Variants in TNC observed in about 807,000 individuals in gnomAD.
TNC encodes tenascin.
A neutral mutation model predicts 202.4 loss-of-function variants in TNC; 109 were observed. That is an observed-to-expected ratio of 0.54 (90% CI 0.46 to 0.63). TNC has a LOEUF of 0.63. TNC is among the 30% of genes least tolerant of loss of function. The probability of loss-of-function intolerance (pLI) is 0.00; values close to 1 mark genes in which losing one functional copy is unlikely to be tolerated. For synonymous variants in TNC, 1,007 were observed against 1,089.7 expected (o/e 0.92, Z 1.50); for missense variants, 2,756 against 2,833.3 (o/e 0.97, Z 0.62).
chr9:115,106,294 A>G (rs1317400202), intron 1 of TNC, among the ~76,000 whole-genome samples: 1 of 152,188 alleles, frequency 6.6e-6, no homozygotes, highest in African/African-American at 2.4e-5. Flanking sequence ...CTAGTCAGCA[A>G]TTATTTGAAT....
intron 27 of TNC, among the ~76,000 whole-genome samples, chr9:115,021,616 A>C (rs997471001): frequency 1.3e-5 from 2 of 152,268 alleles, no homozygotes; most frequent in African/African-American, 4.8e-5. Context: ...CATTATTAGA[A>C]GTTCTAGAAT....
chr9:115,033,168 C>A (rs1261084930), intron 22 of TNC, among the ~76,000 whole-genome samples: 1 of 152,182 alleles, frequency 6.6e-6, no homozygotes, highest in Non-Finnish European at 1.5e-5. Flanking sequence ...GATGATCTTG[C>A]ATGCGGGTTT....
chr9:115,081,797 A>T lies in TNC; in HGVS notation c.2379T>A (p.Pro793=). ...LHIVKNNTRG[P]GLKRVTTTRL... is the part of the protein sequence containing the mutation. The stretch of plus-strand genomic sequence containing the variant: ...GTGTGGTGGTCACCCTCTTCAGGCC[A>T]GGGCCCCGGGTATTGTTTTTCACTA... The change falls in exon 6 of 28, where the codon CCT becomes CCA. Residue 793 remains proline (P), a synonymous_variant. Transcript: ENST00000350763. 6.3e-7 allele frequency: 1 copy of T among 1,588,724 alleles called. No individual in the cohort carries two copies. The highest frequency in any genetic ancestry group is 1.1e-5 in the South Asian group (1 of 90,576).
Position 115,063,813 on chromosome 9 carries a change from G to C in TNC, c.3743C>G (p.Ser1248Cys). ...VTQDFSTTPL[S>C]VEVLTEEVPD... ...TAGAATACCTGTCAAGACTTCAACA[G>C]AGAGAGGGGTTGTGCTGAAGTCCTG... Residue 1248 changes from serine (S) to cysteine (C), a missense_variant, in exon 12 of 28, where the codon TCT becomes TGT. Physicochemically the swap from Ser to Cys is moderately radical, Grantham distance 112. Transcript: ENST00000350763. 1 of 1,612,822 alleles carries C rather than the reference G, an allele frequency of 6.2e-7. No homozygotes were observed. Among genetic ancestry groups the C allele is most frequent in the Non-Finnish European group, 8.5e-7 (1 of 1,178,920 alleles).
At chr9:115,092,566 G>A (rs974095655) in intron 1 of TNC, among the ~76,000 whole-genome samples, 2 of 151,956 alleles carry the variant, frequency 1.3e-5, no homozygotes, top group Non-Finnish European at 2.9e-5. Flanking sequence ...TAATTGAAGA[G>A]CTATTTTATT....
chr9:115,073,131 A>G (rs1252647430), intron 10 of TNC, among the ~76,000 whole-genome samples: 1 of 152,254 alleles, frequency 6.6e-6, no homozygotes, highest in African/African-American at 2.4e-5. Flanking sequence ...ACCTTGGCAG[A>G]AAGCAAAAGA....
At chr9:115,112,175 G>A (rs150979738) in intron 1 of TNC, among the ~76,000 whole-genome samples, 119 of 152,272 alleles carry the variant, frequency 7.8e-4, no homozygotes, top group African/African-American at 2.7e-3. Context: ...AAACTTTTAA[G>A]ATTGTCCCTG....
Position 115,086,541 on chromosome 9 carries a change from C to A in TNC, c.1190G>T (p.Gly397Val). The change falls in exon 3 of 28, where the codon GGT (glycine) becomes GTT (valine). Residue 397 changes from glycine to valine, a missense_variant. This residue lies in a region of TNC where 2,559 missense variants were observed against 2,546.0 expected (regional missense o/e 1.01). Transcript: ENST00000350763. ...CVDGRCECDDGFTGADCGELK... is the reference protein window; with the variant it reads ...CVDGRCECDDVFTGADCGELK... The stretch of plus-strand genomic sequence containing the variant: ...CTCCCCACAGTCAGCTCCAGTGAAA[C>A]CATCATCACACTCACACCGCCCGTC... 6.2e-7 allele frequency: 1 copy of A among 1,613,928 alleles called. No homozygotes were observed. Among genetic ancestry groups the A allele is most frequent in the Non-Finnish European group, 8.5e-7 (1 of 1,180,006 alleles).
chr9:115,037,817 G>T (rs1588025429), intron 20 of TNC, among the ~76,000 whole-genome samples: 1 of 152,222 alleles, frequency 6.6e-6, no homozygotes, highest in Non-Finnish European at 1.5e-5. Flanking sequence ...GTAAGCCACT[G>T]TACCTGGCTT....
intron 13 of TNC, among the ~76,000 whole-genome samples, chr9:115,061,546 T>A (rs905925260): frequency 2.0e-5 from 3 of 152,232 alleles, no homozygotes; most frequent in Non-Finnish European, 2.9e-5. Context: ...CTGAAGATAT[T>A]CCAGGCAACA....
Position 115,081,890 on chromosome 9 carries a change from C to T in TNC, c.2286G>A (p.Arg762=), listed in dbSNP as rs1834333045. 1 of 1,597,424 alleles carries T rather than the reference C, an allele frequency of 6.3e-7. No homozygotes were observed. Among genetic ancestry groups the T allele is most frequent in the African/African-American group, 1.4e-5 (1 of 73,504 alleles). The change falls in exon 6 of 28, where the codon AGG becomes AGA. Residue 762 remains arginine (R), a synonymous_variant. Transcript: ENST00000350763. ...EDEGEITKSL[R]RPETSYRQTG... ...TTTGCCGGTAAGAGGTCTCTGGCCT[C>T]CTCAGGCTTTTGGTGATCTCTCCCT...
chr9:115,064,160 A>C, intron 11 of TNC, 92 bp from the exon 12 acceptor site: 1 of 1,326,540 alleles, frequency 7.5e-7, no homozygotes, highest in South Asian at 1.6e-5. Context: ...TAATAATATT[A>C]CTGAAAAAAT....
chr9:115,110,925 G>C (rs1588243558), intron 1 of TNC, among the ~76,000 whole-genome samples: 1 of 150,004 alleles, frequency 6.7e-6, no homozygotes, highest in South Asian at 2.1e-4. Context: ...TGTTGCCCAG[G>C]CTGGAGTGCA....
At chr9:115,041,590 G>A (rs189633053) in intron 18 of TNC, among the ~76,000 whole-genome samples, 2 of 152,264 alleles carry the variant, frequency 1.3e-5, no homozygotes, top group East Asian at 3.9e-4. Flanking sequence ...TAGAATTTGG[G>A]GGCTAGTGAA....
intron 25 of TNC, among the ~76,000 whole-genome samples, chr9:115,028,726 T>C (rs1829701312): frequency 6.6e-6 from 1 of 152,096 alleles, no homozygotes; most frequent in Non-Finnish European, 1.5e-5. Flanking sequence ...TCTCCACAGA[T>C]AGTTATTCTA....
Position 115,048,612 on chromosome 9 carries a change from A to G in TNC, c.4580-80T>C, listed in dbSNP as rs139162094. On this transcript the variant is annotated intron_variant, in intron 15 of 27. Transcript: ENST00000350763. ...GATAGCACACGTTTCCAAGAACACC[A>G]ATAGATACCCAAGTCCATCATTCAA... The G allele has an allele frequency of 2.1e-4, 282 of 1,365,952 alleles. 3 individuals carry two copies. In the East Asian group the frequency reaches 2.4e-3, roughly 12 times the overall value. 84.6% of individuals were successfully genotyped at this position (1,365,952 alleles called of 1,614,324 possible). A position where few individuals can be genotyped will look rare whatever the true frequency, so the allele number is the denominator to read the frequency against.
intron 7 of TNC, among the ~76,000 whole-genome samples, chr9:115,077,063 AT>A (rs1833916607): frequency 6.7e-6 from 1 of 148,666 alleles, no homozygotes; most frequent in African/African-American, 2.5e-5. Flanking sequence ...ACGCCCAGTT[AT>A]TTATTTATTT....
At chr9:115,112,354 G>C (rs1837140971) in intron 1 of TNC, among the ~76,000 whole-genome samples, 1 of 152,074 alleles carries the variant, frequency 6.6e-6, no homozygotes, top group Non-Finnish European at 1.5e-5. Flanking sequence ...TGTTTTTTCT[G>C]CACAGAGCCC....
At chr9:115,081,243 A>C (rs937519556) in intron 6 of TNC, among the ~76,000 whole-genome samples, 1 of 152,248 alleles carries the variant, frequency 6.6e-6, no homozygotes, top group South Asian at 2.1e-4. Flanking sequence ...TGCTAATATT[A>C]AACTAGTGAC....
Sources: allele counts gnomAD v4.1 joint callset (sites outside exome capture counted in the v4.1 genomes callset), GRCh38; gene constraint gnomAD v4.1.1; regional missense constraint gnomAD v4.1.1; transcripts MANE v1.5; gene names NCBI Gene and HGNC (gene_info 2026-07-23, HGNC 2026-07-21).